NFKB1: variants seen among roughly 807,000 people sequenced by gnomAD.
NFKB1 encodes nuclear factor kappa B subunit 1.
Under a neutral mutation model 105.1 loss-of-function variants are expected in NFKB1, and 9 were observed. The observed-to-expected ratio is 0.09, with a 90% CI of 0.05 to 0.15. The LOEUF (loss-of-function observed/expected upper bound fraction) is 0.15. NFKB1 is among the 10% of genes least tolerant of loss of function. The probability of loss-of-function intolerance (pLI) is 1.00; values close to 1 mark genes in which losing one functional copy is unlikely to be tolerated. For synonymous variants in NFKB1, 440 were observed against 442.2 expected (o/e 1.00, Z 0.06); for missense variants, 830 against 1,203.7 (o/e 0.69, Z 4.59).
intron 11 of NFKB1, among the ~76,000 whole-genome samples, chr4:102,585,313 ATAT>A (rs1477840804): frequency 1.3e-5 from 2 of 152,220 alleles, no homozygotes; most frequent in African/African-American, 4.8e-5. Context: ...AGACAGTAGT[ATAT>A]TATTTTGAGG....
Position 102,512,168 on chromosome 4 carries a change from A to C in NFKB1, c.-8+10380A>C, listed in dbSNP as rs528782462. 9.8e-5 allele frequency among the ~76,000 whole-genome samples: 15 copies of C among 152,348 alleles called. No individual in the cohort carries two copies. The East Asian group carries it at 1.2e-3, about 12-fold the overall frequency. ...CAGATTACATTCTCATTTACTTATTACTTATGAATGTAAAAGTAAATATTT... is the reference window on the plus strand; with the variant it reads ...CAGATTACATTCTCATTTACTTATTCCTTATGAATGTAAAAGTAAATATTT... On this transcript the variant is annotated intron_variant, in intron 1 of 23. Transcript: ENST00000226574.
intron 11 of NFKB1, 21 bp downstream of exon 11, chr4:102,584,841 CT>C: frequency 6.4e-7 from 1 of 1,572,246 alleles, no homozygotes; most frequent in Non-Finnish European, 8.6e-7. Context: ...TGTTTAAAAT[CT>C]TATGCTCATA....
rs1454163450 is a variant in NFKB1, at chr4:102,507,009, A to G, written c.-8+5221A>G. On this transcript the variant is annotated intron_variant, in intron 1 of 23. Transcript: ENST00000226574. ...GTATATTAAATATAATGATATATGT[A>G]TAAATACATATTTGTAACTAATATA... is the stretch of plus-strand genomic sequence containing the variant. Among the ~76,000 whole-genome samples the G allele has an allele frequency of 2.0e-5, 3 of 148,924 alleles. No homozygotes were observed. In the East Asian group the frequency reaches 5.8e-4, roughly 29 times the overall value.
Position 102,525,557 on chromosome 4 carries a change from A to C in NFKB1, c.39A>C (p.Gln13His). The C allele has an allele frequency of 6.2e-7, 1 of 1,612,270 alleles. No homozygotes were observed. Among genetic ancestry groups the C allele is most frequent in the Non-Finnish European group, 8.5e-7 (1 of 1,178,738 alleles). Residue 13 changes from glutamine to histidine, a missense_variant and splice_region_variant, in exon 2 of 24, where the codon CAA becomes CAC. By Grantham distance (24) the Gln-to-His change is conservative. Around this residue, in one of 8 missense-constraint regions of NFKB1, gnomAD observed 46 missense variants for 48.3 expected, o/e 0.95. Coordinates refer to ENST00000226574, the MANE Select transcript of NFKB1 (RefSeq NM_003998.4). ...ATCCATATTTGGGAAGGCCTGAACA[A>C]GTAAGTGTCATAATCTCACTGATAA... ...EDDPYLGRPE[Q>H]MFHLDPSLTH...
At chr4:102,520,161 G>A (rs1164189910) in intron 1 of NFKB1, among the ~76,000 whole-genome samples, 2 of 152,100 alleles carry the variant, frequency 1.3e-5, no homozygotes, top group East Asian at 1.9e-4. Context: ...GACCCCTGGG[G>A]GCAAAATGCA....
At chr4:102,555,401 C>G (rs1578756620) in intron 5 of NFKB1, among the ~76,000 whole-genome samples, 1 of 152,114 alleles carries the variant, frequency 6.6e-6, no homozygotes, top group Admixed American at 6.6e-5. Context: ...TTAAATAGTG[C>G]CTTTGTCCTC....
intron 1 of NFKB1, among the ~76,000 whole-genome samples, chr4:102,511,547 A>G (rs1200475962): frequency 1.3e-5 from 2 of 152,142 alleles, no homozygotes; most frequent in African/African-American, 4.8e-5. Context: ...ATGGTGGCAC[A>G]TGCCTGTGGT....
At chr4:102,588,454 T>C in intron 11 of NFKB1, among the ~76,000 whole-genome samples, 1 of 143,448 alleles carries the variant, frequency 7.0e-6, no homozygotes, top group Non-Finnish European at 1.5e-5. Context: ...CAAAAAAAAA[T>C]AAAAAAAAAA....
chr4:102,600,692 T>TGG (rs1027295026), intron 15 of NFKB1, among the ~76,000 whole-genome samples: 8 of 152,276 alleles, frequency 5.3e-5, no homozygotes, highest in African/African-American at 1.9e-4. Context: ...GTAGCAGCCT[T>TGG]GGGTAGGCAG....
chr4:102,547,262 A>T (rs1722213102), intron 5 of NFKB1, among the ~76,000 whole-genome samples: 1 of 152,204 alleles, frequency 6.6e-6, no homozygotes, highest in South Asian at 2.1e-4. Context: ...CGACACTGAA[A>T]ATGATTCAAC....
rs751784926 is a variant in NFKB1, at chr4:102,596,256, C to A, written c.1419C>A (p.Ser473Arg). ...IETTEQDQEP[S>R]EATVGNGEVT... ...CCACAGAGCAAGATCAGGAGCCCAG[C>A]GAGGCCACCGTTGGGAATGGTGAGG... The change falls in exon 14 of 24, where the codon AGC becomes AGA. Residue 473 changes from serine (S) to arginine (R), a missense_variant. Physicochemically the swap from Ser to Arg is moderately radical, Grantham distance 110 (BLOSUM62 -1). Around this residue, in one of 8 missense-constraint regions of NFKB1, gnomAD observed 163 missense variants for 164.3 expected, o/e 0.99. Transcript: ENST00000226574. The A allele has an allele frequency of 6.2e-7, 1 of 1,613,552 alleles. No homozygotes were observed. Among genetic ancestry groups the A allele is most frequent in the African/African-American group, 1.3e-5 (1 of 75,008 alleles).
At chr4:102,596,070 T>C (rs1045509004) in intron 13 of NFKB1, 68 bp from the exon 14 acceptor site, 13 of 1,097,098 alleles carry the variant, frequency 1.2e-5, no homozygotes, top group Admixed American at 4.7e-5. Context: ...CTGACCTACA[T>C]TGGAATAGCG....
At chr4:102,569,502 A>G (rs1318867537) in intron 6 of NFKB1, among the ~76,000 whole-genome samples, 1 of 152,140 alleles carries the variant, frequency 6.6e-6, no homozygotes, top group Non-Finnish European at 1.5e-5. Context: ...CACATAGAGA[A>G]ACTTAGGAAG....
chr4:102,591,301 AG>A (rs1472210202), intron 11 of NFKB1, among the ~76,000 whole-genome samples: 1 of 151,794 alleles, frequency 6.6e-6, no homozygotes, highest in African/African-American at 2.4e-5. Context: ...TTTTAAAAAC[AG>A]GCTGACTCTC....
intron 5 of NFKB1, among the ~76,000 whole-genome samples, chr4:102,547,842 A>C (rs1264735621): frequency 6.6e-6 from 1 of 152,158 alleles, no homozygotes; most frequent in Non-Finnish European, 1.5e-5. Flanking sequence ...GTCTGGGGTT[A>C]AGATAGGAGA....
intron 5 of NFKB1, among the ~76,000 whole-genome samples, chr4:102,563,314 A>G (rs1475489723): frequency 6.6e-6 from 1 of 152,212 alleles, no homozygotes; most frequent in Non-Finnish European, 1.5e-5. Context: ...AGCTGTTACT[A>G]TAATAACATA....
At chr4:102,515,196 C>T (rs912261632) in intron 1 of NFKB1, among the ~76,000 whole-genome samples, 4 of 143,542 alleles carry the variant, frequency 2.8e-5, no homozygotes, top group East Asian at 2.0e-4. Flanking sequence ...CTGCAAGCTC[C>T]GCCTCCCGGG....
intron 11 of NFKB1, among the ~76,000 whole-genome samples, chr4:102,592,587 T>C (rs1560702822): frequency 6.6e-6 from 1 of 152,236 alleles, no homozygotes; most frequent in Non-Finnish European, 1.5e-5. Flanking sequence ...TAAGACATTC[T>C]GTTGCACACT....
chr4:102,520,169 G>A (rs1410424270), intron 1 of NFKB1, among the ~76,000 whole-genome samples: 1 of 152,152 alleles, frequency 6.6e-6, no homozygotes, highest in African/African-American at 2.4e-5. Context: ...GGGGCAAAAT[G>A]CAAACAGTTT....
Sources: gnomAD v4.1 joint callset for allele counts (sites outside exome capture counted in the v4.1 genomes callset) on GRCh38, gnomAD v4.1.1 for gene constraint, gnomAD v4.1.1 regional missense constraint, MANE v1.5 for transcripts, NCBI Gene and HGNC (gene_info 2026-07-23, HGNC 2026-07-21) for gene names.